SEC14L4: variants seen among roughly 807,000 people sequenced by gnomAD.
The protein encoded by SEC14L4 is SEC14-like protein 4.
Under a neutral mutation model 55.1 loss-of-function variants are expected in SEC14L4, and 42 were observed. The observed-to-expected ratio is 0.76, with a 90% confidence interval of 0.60 to 0.99. The LOEUF is 0.99. Ranked by LOEUF, SEC14L4 falls within the 50% of genes least tolerant of loss-of-function variation. The pLI is 0.00. For synonymous variants in SEC14L4, 206 were observed against 206.8 expected (o/e 1.00, Z 0.03); for missense variants, 445 against 512.1 (o/e 0.87, Z 1.27).
chr22:30,499,550 C>T (rs1936256043), intron 2 of SEC14L4, among the ~76,000 whole-genome samples: 1 of 150,356 alleles, frequency 6.7e-6, no homozygotes, highest in Non-Finnish European at 1.5e-5. Flanking sequence ...CCAGCTTGGC[C>T]AACATGGTGA....
intron 2 of SEC14L4, among the ~76,000 whole-genome samples, chr22:30,498,979 C>G (rs796704101): frequency 6.6e-5 from 10 of 151,972 alleles, no homozygotes; most frequent in African/African-American, 2.2e-4. Context: ...CTCGCTCTGT[C>G]GCCCAGGCTG....
intron 7 of SEC14L4, 72 bp downstream of exon 7, chr22:30,494,078 C>T: frequency 8.6e-7 from 1 of 1,169,000 alleles, no homozygotes. Flanking sequence ...GCCTTTAACT[C>T]CATGGCTTAC....
intron 3 of SEC14L4, 100 bp from the exon 4 acceptor site, chr22:30,495,742 C>G: frequency 6.2e-7 from 1 of 1,609,300 alleles, no homozygotes. Context: ...CACAGCATAC[C>G]CAGGCTCTCA....
intron 3 of SEC14L4, 45 bp downstream of exon 3, chr22:30,495,883 T>TC (rs757415764): frequency 1.1e-5 from 17 of 1,602,320 alleles, no homozygotes; most frequent in Non-Finnish European, 1.5e-5. Context: ...AATCCCTGGG[T>TC]CACAGTGCAT....
At chr22:30,491,291 C>T (rs1935942214) in intron 11 of SEC14L4, 2 of 491,872 alleles carry the variant, frequency 4.1e-6, no homozygotes, top group African/African-American at 1.9e-5. Flanking sequence ...GACTCTAAGT[C>T]CATGGCCTCT....
chr22:30,505,444 C>T (rs1454349039), intron 1 of SEC14L4, 114 bp downstream of exon 1: 1 of 1,108,588 alleles, frequency 9.0e-7, no homozygotes, highest in Non-Finnish European at 1.3e-6. Context: ...AGAACAGAGG[C>T]GCTCTCTCCA....
chr22:30,499,334 C>T (rs1261218627), intron 2 of SEC14L4, among the ~76,000 whole-genome samples: 2 of 150,864 alleles, frequency 1.3e-5, no homozygotes. Flanking sequence ...CCGCCTGCTT[C>T]GGCCTCCCAA....
rs1239316534 is a variant in SEC14L4, at chr22:30,503,756, A to C, written c.55-4T>G. 5.0e-6 allele frequency: 8 copies of C among 1,610,672 alleles called. No individual in the cohort carries two copies. The highest frequency in any genetic ancestry group is 5.9e-6 in the Non-Finnish European group (7 of 1,177,880). ...GGTCCTGGAGGTTCTCCCGGAACTG[A>C]GCGGAGGAGGATCTGATGGTCGGCG... On this transcript the variant is annotated splice_region_variant and splice_polypyrimidine_tract_variant and intron_variant, in intron 1 of 11. Coordinates refer to ENST00000255858, the MANE Select transcript of SEC14L4 (RefSeq NM_174977.4).
intron 1 of SEC14L4, among the ~76,000 whole-genome samples, chr22:30,504,551 C>T (rs182772408): frequency 4.1e-4 from 62 of 152,244 alleles, no homozygotes; most frequent in African/African-American, 1.3e-3. Flanking sequence ...AGTCTGTGCA[C>T]GTAAAACACT....
intron 1 of SEC14L4, 97 bp downstream of exon 1, chr22:30,505,461 G>T: frequency 7.9e-7 from 1 of 1,263,830 alleles, no homozygotes; most frequent in South Asian, 1.3e-5. Context: ...TCCAGGCTCG[G>T]TGTTCCAGTC....
At position 30,495,924 on chromosome 22, in the gene SEC14L4, T is replaced by C; in HGVS notation, c.174+4A>G. The stretch of plus-strand genomic sequence containing the variant: ...GCAGGGCAGTAGGGATCACAGATCC[T>C]TACCCTTCGGAGCATGTCTTCGGAT... On this transcript the variant is annotated splice_donor_region_variant and intron_variant, in intron 3 of 11. Transcript: ENST00000255858. 6.2e-7 allele frequency: 1 copy of C among 1,613,154 alleles called. No individual in the cohort carries two copies. Among genetic ancestry groups the C allele is most frequent in the Non-Finnish European group, 8.5e-7 (1 of 1,179,192 alleles).
intron 7 of SEC14L4, 147 bp downstream of exon 7, chr22:30,494,002 TC>T: frequency 1.5e-6 from 1 of 646,206 alleles, no homozygotes; most frequent in Non-Finnish European, 2.8e-6. Context: ...AGACTCCATC[TC>T]AATAACTAAC....
chr22:30,492,669 C>A, intron 7 of SEC14L4, 112 bp from the exon 8 acceptor site: 2 of 804,042 alleles, frequency 2.5e-6, no homozygotes, highest in Non-Finnish European at 4.2e-6. Context: ...GATTCTGCCA[C>A]TCTCTGCTGT....
intron 2 of SEC14L4, among the ~76,000 whole-genome samples, chr22:30,498,450 C>G (rs1936218292): frequency 6.6e-6 from 1 of 152,148 alleles, no homozygotes; most frequent in South Asian, 2.1e-4. Context: ...CTCTTGAGTT[C>G]TAGAGGTTTT....
intron 2 of SEC14L4, among the ~76,000 whole-genome samples, chr22:30,496,189 T>C (rs1340170131): frequency 1.3e-5 from 2 of 152,156 alleles, no homozygotes; most frequent in African/African-American, 4.8e-5. Flanking sequence ...GATGTGATCA[T>C]AGCTTACTGT....
At chr22:30,494,656 T>A (rs7288005) in intron 6 of SEC14L4, among the ~76,000 whole-genome samples, 118 of 152,208 alleles carry the variant, frequency 7.8e-4, no homozygotes, top group Non-Finnish European at 1.4e-3. Context: ...ATGACAGGCG[T>A]GAGCCACCAC....
chr22:30,492,032 C>T lies in SEC14L4; in HGVS notation c.771+17G>A. The T allele has an allele frequency of 1.2e-6, 2 of 1,613,684 alleles. No individual in the cohort carries two copies. The highest frequency in any genetic ancestry group is 1.7e-6 in the Non-Finnish European group (2 of 1,179,710). On this transcript the variant is annotated intron_variant, in intron 9 of 11. Transcript: ENST00000255858. ...ACAGCTTCTCCCCTCCTTCCCCATC[C>T]TCTGGGCACCCTGTACCTTGGTCAG...
intron 1 of SEC14L4, among the ~76,000 whole-genome samples, chr22:30,504,009 G>A (rs141063834): frequency 6.6e-6 from 1 of 150,610 alleles, no homozygotes; most frequent in African/African-American, 2.4e-5. Flanking sequence ...TGGGGCCCTG[G>A]CATCCTTATT....
intron 11 of SEC14L4, chr22:30,491,366 C>G: frequency 3.2e-6 from 2 of 621,918 alleles, no homozygotes; most frequent in South Asian, 4.0e-5. Context: ...AGCCCAAGGC[C>G]CTAGGTTCTG....
Sources: gnomAD v4.1 joint callset for allele counts (sites outside exome capture counted in the v4.1 genomes callset) on GRCh38, gnomAD v4.1.1 for gene constraint, MANE v1.5 for transcripts, NCBI Gene and HGNC (gene_info 2026-07-23, HGNC 2026-07-21) for gene names.